NPIPB11: variants seen among roughly 807,000 people sequenced by gnomAD.
NPIPB11 encodes the protein nuclear pore complex interacting protein family member B11.
NPIPB11 carries 17 observed loss-of-function variants against 32.8 expected under a neutral mutation model. The observed-to-expected ratio is 0.52, with a 90% CI of 0.35 to 0.78. The LOEUF (loss-of-function observed/expected upper bound fraction) is 0.78, where lower values mean the gene tolerates loss of function less well. Ranked by LOEUF, NPIPB11 falls within the 30% of genes least tolerant of loss-of-function variation. The pLI, the probability that NPIPB11 is intolerant of heterozygous loss-of-function variation, is 0.01. For missense variants in NPIPB11, 537 were observed against 1,000.4 expected, an observed-to-expected ratio of 0.54 and a Z score of 6.25; for synonymous variants, 209 against 398.4, an observed-to-expected ratio of 0.52 and a Z score of 5.66.
intron 2 of NPIPB11, 133 bp from the exon 3 acceptor site, chr16:29,394,209 C>T: frequency 1.0e-6 from 1 of 1,004,502 alleles, no homozygotes; most frequent in Non-Finnish European, 1.4e-6. Context: ...CCGTGGGATT[C>T]CACTGCTACA....
exon 3 of NPIPB11, chr16:29,394,034 A>T: frequency 6.3e-7 from 1 of 1,599,478 alleles, no homozygotes; most frequent in East Asian, 2.2e-5. Context: ...CTTCCACCAA[A>T]GTCAGTCCCA....
chr16:29,391,682 A>T (rs1188444066), intron 3 of NPIPB11, among the ~76,000 whole-genome samples: 1 of 152,138 alleles, frequency 6.6e-6, no homozygotes, highest in African/African-American at 2.4e-5. Flanking sequence ...ATCCCATCTC[A>T]GATGTCGGTC....
At chr16:29,406,624 G>A (rs1450434590), upstream of NPIPB11, among the ~76,000 whole-genome samples, 7 of 152,110 alleles carry the variant, frequency 4.6e-5, no homozygotes, top group Non-Finnish European at 1.0e-4. Context: ...TGAGACAGGA[G>A]AATTGCTTGA....
intron 2 of NPIPB11, chr16:29,397,680 C>CAGAGGT (rs1355667974): frequency 9.4e-7 from 1 of 1,065,044 alleles, no homozygotes; most frequent in African/African-American, 1.7e-5. Context: ...GCGTCCAGGA[C>CAGAGGT]AGAGGTGGAG....
At position 29,402,722 on chromosome 16, in the gene NPIPB11, C is replaced by CTGTGTG. The variant is rs1245633106; in HGVS notation, c.120+960_120+961insCACACA. 9.4e-3 allele frequency among the ~76,000 whole-genome samples: 1,066 copies of CTGTGTG among 113,496 alleles called. 8 individuals are homozygous for CTGTGTG. Among genetic ancestry groups the CTGTGTG allele is most frequent in the East Asian group, 0.054 (192 of 3,536 alleles). The allele number at this position is 113,496 out of a possible 152,430, so 74.5% of individuals were successfully genotyped here. A position where few individuals can be genotyped will look rare whatever the true frequency, so the allele number is the denominator to read the frequency against. ...TGTCTCTCTCTCTCTCTCTCTCTCTCTCTGTGTGTGTGTGTGTGTGTGTGT... is the reference window on the plus strand; with the variant it reads ...TGTCTCTCTCTCTCTCTCTCTCTCTCTGTGTGTCTGTGTGTGTGTGTGTGTGTGTGT... On this transcript the variant is annotated intron_variant, in intron 2 of 7. Coordinates refer to ENST00000524087, the Ensembl canonical transcript of NPIPB11.
chr16:29,402,428 G>A, intron 2 of NPIPB11, among the ~76,000 whole-genome samples: 1 of 113,656 alleles, frequency 8.8e-6, no homozygotes, highest in Non-Finnish European at 1.7e-5. Flanking sequence ...TCTTGGACCG[G>A]GTGCAGTGGC....
intron 2 of NPIPB11, among the ~76,000 whole-genome samples, chr16:29,402,724 CTGTG>C (rs71214272): frequency 2.3e-3 from 277 of 119,660 alleles, no homozygotes; most frequent in Admixed American, 4.0e-3. Flanking sequence ...CTCTCTCTCT[CTGTG>C]TGTGTGTGTG....
At position 29,389,968 on chromosome 16, in the gene NPIPB11, T is replaced by C. The variant is rs947714479; in HGVS notation, c.518A>G (p.Asn173Ser). 2.0e-5 allele frequency: 32 copies of C among 1,587,388 alleles called. No homozygotes were observed. In the East Asian group the frequency reaches 3.8e-4, roughly 19 times the overall value. ...TTTTCTGGCGGTCTTCCTCTTTCCA[T>C]TGATTTTGTCATGACGGTTGATTTT... Residue 173 changes from asparagine (N) to serine (S), a missense_variant, in exon 5 of 8, where the codon AAT becomes AGT. Asn to Ser is a conservative substitution (Grantham distance 46). Coordinates refer to ENST00000524087, the Ensembl canonical transcript of NPIPB11.
chr16:29,389,278 C>T (rs1261339644), intron 5 of NPIPB11, among the ~76,000 whole-genome samples: 1 of 146,746 alleles, frequency 6.8e-6, no homozygotes, highest in Non-Finnish European at 1.5e-5. Context: ...GGCAGAATTG[C>T]TTCAAACTGG....
upstream of NPIPB11, among the ~76,000 whole-genome samples, chr16:29,404,469 G>C (rs373582345): frequency 0.14 from 9,443 of 68,532 alleles, 403 homozygotes; most frequent in Middle Eastern, 0.19. Context: ...GTTGTGGTGA[G>C]GGGTGAATGA....
At chr16:29,406,350 A>G (rs1043276552), upstream of NPIPB11, among the ~76,000 whole-genome samples, 1 of 152,288 alleles carries the variant, frequency 6.6e-6, no homozygotes, top group Admixed American at 6.5e-5. Context: ...AATTGCATAC[A>G]TTTATACAAA....
chr16:29,383,631 G>C lies in NPIPB11; in HGVS notation c.1301C>G (p.Pro434Arg). The C allele has an allele frequency of 4.5e-5, 20 of 447,110 alleles. 1 individual carries two copies. Among genetic ancestry groups the C allele is most frequent in the Non-Finnish European group, 2.1e-5 (6 of 291,980 alleles). The allele number at this position is 447,110 out of a possible 1,614,324, so 27.7% of individuals were successfully genotyped here. A position where few individuals can be genotyped will look rare whatever the true frequency, so the allele number is the denominator to read the frequency against. ...AAGGGGAGTGAGCTGACGCTCAGAA[G>C]GTGTCTTGAGATTATCATCCGCTGA... is the stretch of plus-strand genomic sequence containing the variant. Residue 434 changes from proline (P) to arginine (R), a missense_variant, in exon 8 of 8, where the codon CCT (proline) becomes CGT (arginine). Transcript: ENST00000524087.
intron 2 of NPIPB11, among the ~76,000 whole-genome samples, chr16:29,401,428 T>G (rs1963988973): frequency 6.6e-6 from 1 of 152,048 alleles, no homozygotes; most frequent in South Asian, 2.1e-4. Context: ...TTTTCTGAAG[T>G]CTACTCTGTT....
rs138817420 is a variant in NPIPB11, at chr16:29,393,435, C to T, written c.249+513G>A. ...TACATCTCCATCTATCTCCCTCTCC[C>T]CTCAGAAGAGGGTGCTCTTTAAGCA... On this transcript the variant is annotated intron_variant, in intron 3 of 7. Transcript: ENST00000524087. 3.0e-4 allele frequency among the ~76,000 whole-genome samples: 45 copies of T among 152,174 alleles called. 1 individual carries two copies. The East Asian group carries it at 8.7e-3, about 29-fold the overall frequency.
chr16:29,402,907 G>A (rs1009836122), intron 2 of NPIPB11, among the ~76,000 whole-genome samples: 2 of 135,986 alleles, frequency 1.5e-5, no homozygotes, highest in African/African-American at 5.9e-5. Context: ...AACAAATGAA[G>A]GAGAATAAAA....
chr16:29,389,384 A>T (rs1347171378), intron 5 of NPIPB11, among the ~76,000 whole-genome samples: 2 of 141,832 alleles, frequency 1.4e-5, no homozygotes, highest in African/African-American at 5.2e-5. Context: ...AAAAAAAAAA[A>T]AAAAAAAGGC....
At chr16:29,405,267 A>G (rs1490975903), upstream of NPIPB11, among the ~76,000 whole-genome samples, 3 of 151,868 alleles carry the variant, frequency 2.0e-5, no homozygotes, top group African/African-American at 7.3e-5. Context: ...TTTTTAAAAA[A>G]TGTTATTTAA....
At chr16:29,399,633 G>T (rs1433326140) in intron 2 of NPIPB11, among the ~76,000 whole-genome samples, 4 of 152,070 alleles carry the variant, frequency 2.6e-5, no homozygotes, top group Non-Finnish European at 4.4e-5. Flanking sequence ...AGGAGGCAGA[G>T]TCTGCAGTGA....
chr16:29,399,126 G>T (rs1196338648), intron 2 of NPIPB11, among the ~76,000 whole-genome samples: 1 of 151,630 alleles, frequency 6.6e-6, no homozygotes, highest in African/African-American at 2.4e-5. Flanking sequence ...AAGCAGGTGG[G>T]CAGGACCCAG....
Sources: allele counts gnomAD v4.1 joint callset (sites outside exome capture counted in the v4.1 genomes callset), GRCh38; gene constraint gnomAD v4.1.1; transcripts MANE v1.5; gene names NCBI Gene and HGNC (gene_info 2026-07-23, HGNC 2026-07-21).